Variants in UBE2V1 observed in about 807,000 individuals in gnomAD.
The protein encoded by UBE2V1 is ubiquitin conjugating enzyme E2 V1.
UBE2V1 carries 15 observed loss-of-function variants against 19.6 expected under a neutral mutation model. That is an observed-to-expected ratio of 0.77 (90% CI 0.51 to 1.18). The LOEUF is 1.18. UBE2V1 is among the 50% of genes most tolerant of loss of function. UBE2V1 has a pLI of 0.00. For missense variants in UBE2V1, 125 were observed against 184.8 expected, an observed-to-expected ratio of 0.68 and a Z score of 1.88; for synonymous variants, 60 against 60.7, an observed-to-expected ratio of 0.99 and a Z score of 0.05.
chr20:50,094,003 A>C, intron 2 of UBE2V1, among the ~76,000 whole-genome samples: 1 of 129,910 alleles, frequency 7.7e-6, no homozygotes, highest in East Asian at 2.1e-4. Flanking sequence ...AAAAAAAAAA[A>C]AAAAAAAAAT....
At chr20:50,110,789 C>T (rs1379003844) in intron 1 of UBE2V1, among the ~76,000 whole-genome samples, 1 of 152,210 alleles carries the variant, frequency 6.6e-6, no homozygotes, top group Non-Finnish European at 1.5e-5. Context: ...CTTAACAAGC[C>T]TTGCTTGCAC....
At chr20:50,086,995 C>T (rs1229883102) in intron 2 of UBE2V1, among the ~76,000 whole-genome samples, 3 of 152,026 alleles carry the variant, frequency 2.0e-5, no homozygotes, top group African/African-American at 7.2e-5. Context: ...GAGAATGGCA[C>T]GAACCCGGGA....
At chr20:50,084,798 C>T in intron 2 of UBE2V1, 1 of 298,332 alleles carries the variant, frequency 3.4e-6, no homozygotes, top group Non-Finnish European at 6.7e-6. Context: ...TGGGGTGTTC[C>T]ATCCCTCCCT....
At chr20:50,101,154 T>C (rs1437700445) in intron 1 of UBE2V1, among the ~76,000 whole-genome samples, 2 of 152,248 alleles carry the variant, frequency 1.3e-5, no homozygotes, top group Non-Finnish European at 2.9e-5. Context: ...GTCAGCTTTC[T>C]TTTGTTCCTG....
intron 1 of UBE2V1, among the ~76,000 whole-genome samples, chr20:50,101,903 C>A (rs2080025221): frequency 6.6e-6 from 1 of 152,168 alleles, no homozygotes; most frequent in African/African-American, 2.4e-5. Context: ...TGTTACTTAG[C>A]CTTTGAGGGC....
intron 2 of UBE2V1, among the ~76,000 whole-genome samples, chr20:50,085,400 T>A (rs1405978351): frequency 6.6e-6 from 1 of 152,034 alleles, no homozygotes; most frequent in East Asian, 1.9e-4. Flanking sequence ...CACTACCTAG[T>A]CCCTAGCTTT....
intron 1 of UBE2V1, chr20:50,109,259 T>A: frequency 2.0e-6 from 1 of 496,146 alleles, no homozygotes; most frequent in Non-Finnish European, 2.6e-6. Flanking sequence ...CCTTCAAAAT[T>A]AAGCAGAGGA....
At chr20:50,101,022 T>C (rs974593739) in intron 1 of UBE2V1, among the ~76,000 whole-genome samples, 1 of 152,238 alleles carries the variant, frequency 6.6e-6, no homozygotes, top group African/African-American at 2.4e-5. Context: ...CTGGATTAGA[T>C]ATTCGATTAC....
chr20:50,084,589 T>C, intron 2 of UBE2V1: 3 of 471,482 alleles, frequency 6.4e-6, no homozygotes, highest in South Asian at 4.7e-5. Flanking sequence ...TTCTCTATTC[T>C]AGGAAGCCGA....
chr20:50,086,096 TG>T (rs1268917518), intron 2 of UBE2V1, among the ~76,000 whole-genome samples: 4 of 152,334 alleles, frequency 2.6e-5, no homozygotes, highest in Admixed American at 1.3e-4. Flanking sequence ...AACCCTCTGA[TG>T]GCTCCTAGTG....
At chr20:50,113,194 G>A, upstream of UBE2V1, 1 of 1,220,000 alleles carries the variant, frequency 8.2e-7, no homozygotes, top group Non-Finnish European at 1.0e-6. Context: ...CCCCGGCCCT[G>A]ATGCGCAGGC....
chr20:50,087,920 A>G (rs1423669381), intron 2 of UBE2V1, among the ~76,000 whole-genome samples: 2 of 152,152 alleles, frequency 1.3e-5, no homozygotes, highest in African/African-American at 4.8e-5. Context: ...CCAGGTATAG[A>G]CGATACATTG....
At chr20:50,102,940 G>C (rs2080099876) in intron 1 of UBE2V1, among the ~76,000 whole-genome samples, 1 of 152,190 alleles carries the variant, frequency 6.6e-6, no homozygotes. Flanking sequence ...CCTCACCCTG[G>C]AATTCTCTGT....
intron 1 of UBE2V1, chr20:50,109,099 G>C (rs372799290): frequency 8.1e-6 from 8 of 985,442 alleles, no homozygotes; most frequent in African/African-American, 1.7e-5. Flanking sequence ...ACTGCCCCTG[G>C]CTGGTGACCA....
chr20:50,084,089 T>C (rs954034883), intron 3 of UBE2V1, 40 bp downstream of exon 3: 7 of 1,538,204 alleles, frequency 4.6e-6, no homozygotes, highest in African/African-American at 1.4e-5. Context: ...AAAGCAACTG[T>C]CAACTCCAAG....
At chr20:50,108,715 A>C (rs2080551402) in intron 1 of UBE2V1, among the ~76,000 whole-genome samples, 1 of 152,236 alleles carries the variant, frequency 6.6e-6, no homozygotes, top group Non-Finnish European at 1.5e-5. Context: ...ATGAGGTACT[A>C]CTTTGTACCT....
At chr20:50,108,102 T>G (rs947087248) in intron 1 of UBE2V1, among the ~76,000 whole-genome samples, 2 of 152,220 alleles carry the variant, frequency 1.3e-5, no homozygotes, top group Non-Finnish European at 2.9e-5. Flanking sequence ...GGGAAGGGCT[T>G]GCTGAAGGGG....
chr20:50,092,502 GATGCTGCTA>G (rs1264647657), intron 2 of UBE2V1, among the ~76,000 whole-genome samples: 1 of 152,084 alleles, frequency 6.6e-6, no homozygotes, highest in Non-Finnish European at 1.5e-5. Context: ...AGAGGCCAGG[GATGCTGCTA>G]AACAGCCTAC....
chr20:50,096,113 G>A (rs2079604491), intron 2 of UBE2V1: 1 of 152,758 alleles, frequency 6.5e-6, no homozygotes, highest in Non-Finnish European at 1.5e-5. Flanking sequence ...AAATCAGGAA[G>A]GTCTGAAAGA....
Sources: allele counts gnomAD v4.1 joint callset (sites outside exome capture counted in the v4.1 genomes callset), GRCh38; gene constraint gnomAD v4.1.1; transcripts MANE v1.5; gene names NCBI Gene and HGNC (gene_info 2026-07-23, HGNC 2026-07-21).